Variants in HACD4 observed in about 807,000 individuals in gnomAD.
HACD4 encodes 3-hydroxyacyl-CoA dehydratase 4, also known as very-long-chain (3R)-3-hydroxyacyl-CoA dehydratase 4.
In HACD4, 35 loss-of-function variants were observed where a neutral mutation model predicts 33.3. The observed-to-expected ratio is 1.05, with a 90% CI of 0.80 to 1.39. HACD4 has a LOEUF of 1.39. HACD4 is among the 40% of genes most tolerant of loss of function. HACD4 has a pLI of 0.00. For missense variants in HACD4, 323 were observed against 276.5 expected (o/e 1.17, Z -1.19); for synonymous variants, 118 against 98.0 (o/e 1.20, Z -1.21).
intron 2 of HACD4, among the ~76,000 whole-genome samples, chr9:21,027,028 T>A (rs961920689): frequency 1.8e-4 from 28 of 152,202 alleles, no homozygotes; most frequent in Admixed American, 2.0e-4. Context: ...AATTCCCACA[T>A]AAGAGTAACC....
chr9:21,022,919 G>A (rs930051587), intron 3 of HACD4, among the ~76,000 whole-genome samples: 7 of 151,974 alleles, frequency 4.6e-5, no homozygotes, highest in Non-Finnish European at 2.9e-5. Flanking sequence ...ACATGCACAC[G>A]TATGTTTATT....
intron 3 of HACD4, chr9:21,017,671 G>A (rs1323751613): frequency 6.6e-6 from 1 of 152,120 alleles, no homozygotes; most frequent in Non-Finnish European, 1.5e-5. Context: ...ATAAAATACA[G>A]ATTTCTAATT....
At chr9:21,008,657 G>T (rs1398270133) in intron 5 of HACD4, among the ~76,000 whole-genome samples, 2 of 151,954 alleles carry the variant, frequency 1.3e-5, no homozygotes, top group Non-Finnish European at 2.9e-5. Flanking sequence ...TAAGTATTTT[G>T]AAGAACTCTA....
chr9:21,030,230 C>A (rs1164944925), intron 1 of HACD4, among the ~76,000 whole-genome samples: 1 of 147,654 alleles, frequency 6.8e-6, no homozygotes, highest in Non-Finnish European at 1.5e-5. Context: ...TCACTTGAGG[C>A]CAGAAGTTCA....
chr9:21,019,770 A>G (rs767976875), intron 3 of HACD4, among the ~76,000 whole-genome samples: 17 of 152,104 alleles, frequency 1.1e-4, no homozygotes, highest in Non-Finnish European at 2.2e-4. Context: ...GAATGTTACA[A>G]CTCAACACTG....
intron 3 of HACD4, 122 bp from the exon 4 acceptor site, chr9:21,016,132 A>G: frequency 5.0e-6 from 3 of 598,560 alleles, no homozygotes; most frequent in Admixed American, 6.0e-5. Flanking sequence ...TGTATACTAA[A>G]CTGTTAACAA....
In HACD4 at chr9:21,016,717, G is replaced by T. The variant is rs1000322515; in HGVS notation, c.271-707C>A. Among the ~76,000 whole-genome samples, 4 of 126,572 alleles carry T rather than the reference G, an allele frequency of 3.2e-5. No individual in the cohort carries two copies. In the South Asian group the frequency reaches 9.9e-4, roughly 31 times the overall value. 83.0% of individuals were successfully genotyped at this position (126,572 alleles called of 152,430 possible). ...GAAATTGAAAACATGTTTGGAGGTG[G>T]GTTGTGAAGGGTTTTGAAAGACAGG... On this transcript the variant is annotated intron_variant, in intron 3 of 6. Transcript: ENST00000495827.
In HACD4 at chr9:21,029,385, C is replaced by T. The variant is rs1444951481; in HGVS notation, c.52G>A (p.Ala18Thr). 3 of 1,579,906 alleles carry T rather than the reference C, an allele frequency of 1.9e-6. No individual in the cohort carries two copies. Among genetic ancestry groups the T allele is most frequent in the Non-Finnish European group, 1.7e-6 (2 of 1,151,648 alleles). ...ATTAAGTAATAGATGAAAAGATACG[C>T]ATTCTTCCTATACCTATAAATACAG... Reference protein sequence around the residue: ...AWLQPRYRKNAYLFIYYLIQF... With the variant: ...AWLQPRYRKNTYLFIYYLIQF... Residue 18 changes from alanine (A) to threonine (T), a missense_variant, in exon 2 of 7, where the codon GCG becomes ACG. Coordinates refer to ENST00000495827, the MANE Select transcript of HACD4 (RefSeq NM_001010915.5).
At position 21,017,289 on chromosome 9, in the gene HACD4, T is replaced by C. The variant is rs562339286; in HGVS notation, c.271-1279A>G. On this transcript the variant is annotated intron_variant, in intron 3 of 6. Coordinates refer to ENST00000495827, the MANE Select transcript of HACD4 (RefSeq NM_001010915.5). ...TCCACGTGTATAAGCTATATCAGCA[T>C]GTTTACGACATGACTACAGTGGTGA... Among the ~76,000 whole-genome samples, 4 of 152,240 alleles carry C rather than the reference T, an allele frequency of 2.6e-5. No individual in the cohort carries two copies. The South Asian group carries it at 8.3e-4, about 32-fold the overall frequency.
rs202230741 is a variant in HACD4, at chr9:21,026,658, G to C, written c.208C>G (p.Leu70Val). Residue 70 changes from leucine to valine, a missense_variant, in exon 3 of 7, where the codon CTG becomes GTG. Leu to Val is a conservative substitution (Grantham distance 32, BLOSUM62 1). Transcript: ENST00000495827. ...CCAACATATATGTGCAGCAGTTCCA[G>C]GAGAGATACGGATTGGCAAAGTCGC... ...VMRLCQSVSL[L>V]ELLHIYVGIE... is the part of the protein sequence containing the mutation. The C allele has an allele frequency of 7.7e-5, 125 of 1,613,218 alleles. No homozygotes were observed. The Admixed American group carries it at 2.1e-3, about 27-fold the overall frequency.
At position 21,003,866 on chromosome 9, in the gene HACD4, C is replaced by T. The variant is rs1284457408; in HGVS notation, c.*3171G>A. ...GCAACAATTCAGTAATAATCCAAAA[C>T]ATGAATTTTCCTTTTTAAAAAGTAC... On this transcript the variant is annotated 3_prime_UTR_variant, in exon 7 of 7. Coordinates refer to ENST00000495827, the MANE Select transcript of HACD4 (RefSeq NM_001010915.5). 6.6e-6 allele frequency: 1 copy of T among 152,130 alleles called. No homozygotes were observed. Among genetic ancestry groups the T allele is most frequent in the African/African-American group, 2.4e-5 (1 of 41,430 alleles). 9.4% of individuals were successfully genotyped at this position (152,130 alleles called of 1,614,324 possible).
intron 3 of HACD4, among the ~76,000 whole-genome samples, chr9:21,020,973 A>G (rs1276848423): frequency 6.6e-6 from 1 of 152,104 alleles, no homozygotes; most frequent in Non-Finnish European, 1.5e-5. Flanking sequence ...CATGTAAAAC[A>G]TTTAAAAATG....
intron 3 of HACD4, among the ~76,000 whole-genome samples, chr9:21,020,300 A>G (rs1817874743): frequency 6.6e-6 from 1 of 152,182 alleles, no homozygotes; most frequent in South Asian, 2.1e-4. Flanking sequence ...TGGCATTTAA[A>G]GCATTTCTCA....
rs1174176552 is a variant in HACD4 at position 21,001,257 on chromosome 9, A to C, written c.*5780T>G. ...ATATAGAGAAAATCTAAGACGATAC[A>C]AAAAAGAAATTCAAGAGCTGGAAAG... On this transcript the variant is annotated 3_prime_UTR_variant, in exon 7 of 7. Coordinates refer to ENST00000495827, the MANE Select transcript of HACD4 (RefSeq NM_001010915.5). 1 of 152,066 alleles carries C rather than the reference A, an allele frequency of 6.6e-6. No homozygotes were observed. The highest frequency in any genetic ancestry group is 2.4e-5 in the African/African-American group (1 of 41,436). The allele number at this position is 152,066 out of a possible 1,614,324, so 9.4% of individuals were successfully genotyped here. A position where few individuals can be genotyped will look rare whatever the true frequency, so the allele number is the denominator to read the frequency against.
At chr9:21,017,564 T>C (rs1485403745) in intron 3 of HACD4, among the ~76,000 whole-genome samples, 9 of 152,304 alleles carry the variant, frequency 5.9e-5, no homozygotes, top group Non-Finnish European at 1.2e-4. Context: ...TCTTAGGCTC[T>C]ACCTCTCTTA....
intron 5 of HACD4, among the ~76,000 whole-genome samples, chr9:21,009,005 C>T (rs1842343624): frequency 6.6e-6 from 1 of 152,110 alleles, no homozygotes; most frequent in South Asian, 2.1e-4. Context: ...CTGCCACTGA[C>T]ACCAAATATG....
In HACD4 at chr9:21,003,369, G is replaced by A. The variant is rs927764106; in HGVS notation, c.*3668C>T. The A allele has an allele frequency of 2.6e-5, 4 of 152,052 alleles. No homozygotes were observed. 9.4% of individuals were successfully genotyped at this position (152,052 alleles called of 1,614,324 possible). A position where few individuals can be genotyped will look rare whatever the true frequency, so the allele number is the denominator to read the frequency against. ...TTGATTGTACATGTACTTCGGCAGT[G>A]TAAGGAGCCATCTTTATTTGGAGTG... On this transcript the variant is annotated 3_prime_UTR_variant, in exon 7 of 7. Transcript: ENST00000495827.
intron 5 of HACD4, 95 bp from the exon 6 acceptor site, chr9:21,008,241 T>A: frequency 9.0e-7 from 1 of 1,107,922 alleles, no homozygotes; most frequent in Non-Finnish European, 1.2e-6. Context: ...ATTTTGAATT[T>A]GATAATGACA....
At chr9:21,018,064 G>A (rs1250273884) in intron 3 of HACD4, among the ~76,000 whole-genome samples, 1 of 152,124 alleles carries the variant, frequency 6.6e-6, no homozygotes, top group Non-Finnish European at 1.5e-5. Flanking sequence ...ATACACACGA[G>A]TGAAGACTCC....
Sources: allele counts gnomAD v4.1 joint callset (sites outside exome capture counted in the v4.1 genomes callset), GRCh38; gene constraint gnomAD v4.1.1; transcripts MANE v1.5; gene names NCBI Gene and HGNC (gene_info 2026-07-23, HGNC 2026-07-21).